LEPROTL1: variants seen among roughly 807,000 people sequenced by gnomAD.
LEPROTL1 encodes leptin receptor overlapping transcript-like 1.
In LEPROTL1, 6 loss-of-function variants were observed where a neutral mutation model predicts 15.4. The observed-to-expected ratio is 0.39, with a 90% CI of 0.21 to 0.77. The LOEUF (loss-of-function observed/expected upper bound fraction) is 0.77. LEPROTL1 is among the 30% of genes least tolerant of loss of function. The probability of loss-of-function intolerance (pLI) is 0.41; values close to 1 mark genes in which losing one functional copy is unlikely to be tolerated. For synonymous variants in LEPROTL1, 56 were observed against 52.6 expected (o/e 1.06, Z -0.28); for missense variants, 128 against 158.1 (o/e 0.81, Z 1.02).
rs1802744345 is a variant in LEPROTL1 at position 30,116,587 on chromosome 8, G to T, written c.279+12101G>T. Among the ~76,000 whole-genome samples the T allele has an allele frequency of 4.6e-5, 7 of 152,216 alleles. No homozygotes were observed. In the South Asian group the frequency reaches 1.5e-3, roughly 32 times the overall value. ...CCAGCTGCTTACCTCCTGCTCTGCT[G>T]CCCAGTTCCTAATAGGCCATGGACT... On this transcript the variant is annotated intron_variant, in intron 3 of 4. Transcript: ENST00000442880.
chr8:30,122,425 C>T (rs919283267), intron 3 of LEPROTL1, among the ~76,000 whole-genome samples: 2 of 152,164 alleles, frequency 1.3e-5, no homozygotes. Flanking sequence ...GGATTATTGG[C>T]CTGTACCACT....
intron 4 of LEPROTL1, among the ~76,000 whole-genome samples, chr8:30,133,075 C>A (rs1208165621): frequency 6.6e-6 from 1 of 152,050 alleles, no homozygotes; most frequent in Non-Finnish European, 1.5e-5. Context: ...TAAAATAAAT[C>A]AATCTTATTT....
At chr8:30,108,862 A>G (rs976555188), downstream of LEPROTL1, among the ~76,000 whole-genome samples, 2 of 152,130 alleles carry the variant, frequency 1.3e-5, no homozygotes, top group Non-Finnish European at 2.9e-5. Context: ...TCCTGGCCTC[A>G]AGTTATCGCC....
intron 1 of LEPROTL1, among the ~76,000 whole-genome samples, chr8:30,101,530 G>A (rs1181072400): frequency 6.6e-6 from 1 of 152,032 alleles, no homozygotes; most frequent in Non-Finnish European, 1.5e-5. Flanking sequence ...AACAGGATGT[G>A]GTAGTGCATT....
intron 1 of LEPROTL1, 115 bp downstream of exon 1, chr8:30,095,643 T>A: frequency 1.1e-6 from 1 of 911,258 alleles, no homozygotes; most frequent in Non-Finnish European, 1.5e-6. Flanking sequence ...GTGGGGTCCC[T>A]GCGCCGGGGA....
chr8:30,125,671 G>A (rs891240209), intron 3 of LEPROTL1, among the ~76,000 whole-genome samples: 3 of 152,150 alleles, frequency 2.0e-5, no homozygotes, highest in African/African-American at 4.8e-5. Flanking sequence ...TCCACATCCT[G>A]TTATGGCGTA....
chr8:30,131,848 T>C, intron 3 of LEPROTL1: 1 of 1,414,860 alleles, frequency 7.1e-7, no homozygotes, highest in South Asian at 1.5e-5. Flanking sequence ...AAAAATTTTA[T>C]TATGGAAAAG....
chr8:30,133,636 G>T (rs1003558357), intron 4 of LEPROTL1, among the ~76,000 whole-genome samples: 1 of 151,914 alleles, frequency 6.6e-6, no homozygotes, highest in African/African-American at 2.4e-5. Context: ...AAAGTTGTGG[G>T]AATAAAAATG....
intron 4 of LEPROTL1, chr8:30,132,653 G>A: frequency 1.3e-6 from 2 of 1,551,784 alleles, no homozygotes; most frequent in Admixed American, 3.9e-5. Flanking sequence ...CAGAAAGAGT[G>A]TCTGGGATGC....
Position 30,095,466 on chromosome 8 carries a change from C to A in LEPROTL1, c.-47C>A, listed in dbSNP as rs886985388. On this transcript the variant is annotated 5_prime_UTR_variant, in exon 1 of 4. It adds an upstream start codon to the 5' untranslated region. Transcript: ENST00000321250. The stretch of plus-strand genomic sequence containing the variant: ...GTCTTGGGTCTCCCGGCTGCCGCTG[C>A]TGCCGCCGCCGCCTCGGGTCGTGGA... 3 of 1,465,598 alleles carry A rather than the reference C, an allele frequency of 2.0e-6. No homozygotes were observed. Among genetic ancestry groups the A allele is most frequent in the Non-Finnish European group, 2.7e-6 (3 of 1,113,268 alleles). The allele number at this position is 1,465,598 out of a possible 1,614,324, so 90.8% of individuals were successfully genotyped here.
chr8:30,132,741 G>A (rs1342083192), intron 4 of LEPROTL1: 1 of 1,551,736 alleles, frequency 6.4e-7, no homozygotes, highest in Non-Finnish European at 8.7e-7. Flanking sequence ...CAGGGAAAAA[G>A]AGCAAGTAGC....
intron 3 of LEPROTL1, among the ~76,000 whole-genome samples, chr8:30,118,106 C>G (rs1229394453): frequency 2.1e-5 from 3 of 144,892 alleles, no homozygotes; most frequent in African/African-American, 7.6e-5. Context: ...CTCACTGCAA[C>G]CTCTGCCTCC....
intron 4 of LEPROTL1, chr8:30,137,222 AT>A: frequency 7.2e-7 from 1 of 1,382,834 alleles, no homozygotes; most frequent in Non-Finnish European, 1.0e-6. Flanking sequence ...TTGCTGATTC[AT>A]GACAACACTT....
chr8:30,104,083 G>T (rs548453193), intron 2 of LEPROTL1, among the ~76,000 whole-genome samples: 3 of 152,236 alleles, frequency 2.0e-5, no homozygotes, highest in South Asian at 4.1e-4. Context: ...GACTGAAAGT[G>T]TTCTTACTTT....
rs1269312170 is a variant in LEPROTL1, at chr8:30,102,848, CAA to C, written c.92+876_92+877del. 3.3e-5 allele frequency among the ~76,000 whole-genome samples: 5 copies of C among 152,194 alleles called. No homozygotes were observed. The South Asian group carries it at 6.2e-4, about 19-fold the overall frequency. ...ACTAAACAAAATCTATTGACAAAGA[CAA>C]GAGACAGGGCAAGCAGGGACTCTTT... is the stretch of plus-strand genomic sequence containing the variant. On this transcript the variant is annotated intron_variant, in intron 2 of 3. Transcript: ENST00000321250.
chr8:30,128,775 G>A (rs969786024), intron 3 of LEPROTL1, among the ~76,000 whole-genome samples: 23 of 151,002 alleles, frequency 1.5e-4, no homozygotes, highest in Non-Finnish European at 3.1e-4. Flanking sequence ...AAATACTGAA[G>A]TGTAACATAT....
In LEPROTL1 at chr8:30,105,917, A is replaced by C. The variant is rs933034204; in HGVS notation, c.*55A>C. 25 of 1,431,454 alleles carry C rather than the reference A, an allele frequency of 1.7e-5. No homozygotes were observed. The highest frequency in any genetic ancestry group is 1.9e-5 in the Non-Finnish European group (21 of 1,084,062). The allele number at this position is 1,431,454 out of a possible 1,614,324, so 88.7% of individuals were successfully genotyped here. On this transcript the variant is annotated 3_prime_UTR_variant, in exon 4 of 4. Transcript: ENST00000321250. ...ACTTCCTGTCATTTGTTGGCCATTC[A>C]CGCACACAGGAGATGGGGCAGTTAA...
intron 3 of LEPROTL1, chr8:30,117,597 TTCCCAGC>T: frequency 6.9e-7 from 1 of 1,439,370 alleles, no homozygotes; most frequent in South Asian, 1.1e-5. Flanking sequence ...CACAACAATT[TTCCCAGC>T]TCTGTGATCA....
intron 3 of LEPROTL1, among the ~76,000 whole-genome samples, chr8:30,119,079 G>A (rs1444166323): frequency 1.3e-5 from 2 of 152,180 alleles, no homozygotes; most frequent in Non-Finnish European, 2.9e-5. Context: ...CAGGGCAGAG[G>A]TCCCTTAGGC....
Sources: gnomAD v4.1 joint callset for allele counts (sites outside exome capture counted in the v4.1 genomes callset) on GRCh38, gnomAD v4.1.1 for gene constraint, MANE v1.5 for transcripts, NCBI Gene and HGNC (gene_info 2026-07-23, HGNC 2026-07-21) for gene names.